ATXN7L1: variants seen among roughly 807,000 people sequenced by gnomAD.
The protein encoded by ATXN7L1 is ataxin-7-like protein 1.
Under a neutral mutation model 70.8 loss-of-function variants are expected in ATXN7L1, and 15 were observed. The observed-to-expected ratio is 0.21, with a 90% CI of 0.14 to 0.33. The LOEUF is 0.33. Among genes scored for constraint, ATXN7L1 ranks in the 10% least tolerant of loss-of-function variants. ATXN7L1 has a pLI of 1.00. For synonymous variants in ATXN7L1, 440 were observed against 445.1 expected (o/e 0.99, Z 0.14); for missense variants, 975 against 1,097.1 (o/e 0.89, Z 1.57).
chr7:105,745,523 C>A (rs1798487111), intron 3 of ATXN7L1, among the ~76,000 whole-genome samples: 1 of 152,212 alleles, frequency 6.6e-6, no homozygotes, highest in African/African-American at 2.4e-5. Context: ...TAATTTGAAA[C>A]TTCTGGGTGC....
At chr7:105,697,062 A>G (rs1791810970) in intron 3 of ATXN7L1, among the ~76,000 whole-genome samples, 1 of 152,232 alleles carries the variant, frequency 6.6e-6, no homozygotes, top group South Asian at 2.1e-4. Context: ...GTAATAGAAT[A>G]TCACAAGACA....
intron 3 of ATXN7L1, among the ~76,000 whole-genome samples, chr7:105,702,908 G>A (rs1314156430): frequency 1.3e-5 from 2 of 152,096 alleles, no homozygotes; most frequent in Non-Finnish European, 2.9e-5. Flanking sequence ...CAAAAGGTCA[G>A]GAGATCGAGA....
At chr7:105,757,578 A>AT (rs34846815) in intron 3 of ATXN7L1, among the ~76,000 whole-genome samples, 1,572 of 62,436 alleles carry the variant, frequency 0.025, 60 homozygotes, top group African/African-American at 0.069. Context: ...ACCTTTCTGT[A>AT]TTTTTTTTTT....
chr7:105,827,014 A>G (rs1810963960), intron 2 of ATXN7L1, among the ~76,000 whole-genome samples: 2 of 152,260 alleles, frequency 1.3e-5, no homozygotes, highest in South Asian at 4.1e-4. Context: ...ACAGGTGTCC[A>G]GGAAGCACAA....
chr7:105,789,300 G>C (rs1394917715), intron 2 of ATXN7L1, among the ~76,000 whole-genome samples: 2 of 152,210 alleles, frequency 1.3e-5, no homozygotes, highest in Admixed American at 1.3e-4. Flanking sequence ...GCCAGGCACT[G>C]TGCTAGGTGC....
At chr7:105,847,964 T>C (rs1308198305) in intron 2 of ATXN7L1, among the ~76,000 whole-genome samples, 1 of 152,210 alleles carries the variant, frequency 6.6e-6, no homozygotes, top group Non-Finnish European at 1.5e-5. Context: ...TAGAAAATGT[T>C]TGAGCATTAA....
At position 105,755,278 on chromosome 7, in the gene ATXN7L1, C is replaced by A. The variant is rs562702748; in HGVS notation, c.355+33326G>T. Among the ~76,000 whole-genome samples the A allele has an allele frequency of 2.6e-5, 4 of 152,296 alleles. No individual in the cohort carries two copies. The South Asian group carries it at 8.3e-4, about 32-fold the overall frequency. Reference sequence around the variant, plus strand: ...AGGGATGTTAGAGGACATCCTAAATCACACCACTAGGGTAGTCATTTCAGA... The same window carrying A: ...AGGGATGTTAGAGGACATCCTAAATAACACCACTAGGGTAGTCATTTCAGA... On this transcript the variant is annotated intron_variant, in intron 3 of 11. Transcript: ENST00000419735.
At chr7:105,819,532 A>G in intron 2 of ATXN7L1, 2 of 1,376,030 alleles carry the variant, frequency 1.5e-6, no homozygotes, top group South Asian at 2.3e-5. Context: ...GGTCGAGGCC[A>G]TCTCCTGGGC....
At chr7:105,845,725 T>A (rs1360640797) in intron 2 of ATXN7L1, among the ~76,000 whole-genome samples, 2 of 152,188 alleles carry the variant, frequency 1.3e-5, no homozygotes, top group Non-Finnish European at 2.9e-5. Context: ...GGAACAGAAC[T>A]GAGAGTCTAG....
chr7:105,841,413 T>C (rs1246682716), intron 2 of ATXN7L1, among the ~76,000 whole-genome samples: 1 of 152,254 alleles, frequency 6.6e-6, no homozygotes, highest in Non-Finnish European at 1.5e-5. Context: ...CAGCCAATCA[T>C]GGTCCAAAAA....
chr7:105,678,204 T>C (rs539254004), intron 3 of ATXN7L1, among the ~76,000 whole-genome samples: 6 of 151,598 alleles, frequency 4.0e-5, no homozygotes, highest in East Asian at 3.9e-4. Context: ...AGATCAACCA[T>C]CACTACCACA....
chr7:105,697,236 A>T (rs1178771230), intron 3 of ATXN7L1, among the ~76,000 whole-genome samples: 1 of 152,182 alleles, frequency 6.6e-6, no homozygotes, highest in Admixed American at 6.5e-5. Flanking sequence ...CCTCTTCCTA[A>T]TAAGCCTGGG....
chr7:105,635,144 T>C (rs1239118112), intron 7 of ATXN7L1, among the ~76,000 whole-genome samples: 1 of 152,208 alleles, frequency 6.6e-6, no homozygotes, highest in Non-Finnish European at 1.5e-5. Flanking sequence ...CAGAGGGGAC[T>C]GTGCCCAGAT....
rs1426809442 is a variant in ATXN7L1, at chr7:105,649,260, GC to G, written c.579-6140del. ...GATGAACTCTTTCAGAGAGCTCAGG[GC>G]TGCAGCCTGTTCCCCTGCTGTGTCT... On this transcript the variant is annotated intron_variant, in intron 4 of 11. Coordinates refer to ENST00000419735, the MANE Select transcript of ATXN7L1 (RefSeq NM_020725.2). 5 of 682,286 alleles carry G rather than the reference GC, an allele frequency of 7.3e-6. No homozygotes were observed. In the African/African-American group the frequency reaches 9.8e-5, roughly 13 times the overall value. 42.3% of individuals were successfully genotyped at this position (682,286 alleles called of 1,614,324 possible).
intron 3 of ATXN7L1, among the ~76,000 whole-genome samples, chr7:105,696,027 G>A (rs956121044): frequency 6.6e-6 from 1 of 152,204 alleles, no homozygotes; most frequent in Non-Finnish European, 1.5e-5. Context: ...CCTGTCAGGA[G>A]CTGATGGTTA....
At chr7:105,803,210 T>C (rs1807074978) in intron 2 of ATXN7L1, among the ~76,000 whole-genome samples, 1 of 152,250 alleles carries the variant, frequency 6.6e-6, no homozygotes, top group Non-Finnish European at 1.5e-5. Flanking sequence ...GAGTGGCCCC[T>C]ACATTGCCAT....
intron 3 of ATXN7L1, among the ~76,000 whole-genome samples, chr7:105,689,810 T>C (rs919182359): frequency 1.8e-4 from 28 of 151,898 alleles, no homozygotes; most frequent in Non-Finnish European, 3.7e-4. Context: ...CGAGCCCGAG[T>C]TTTAGCTTCT....
At position 105,614,825 on chromosome 7, in the gene ATXN7L1, G is replaced by C; in HGVS notation, c.1518-9C>G. The stretch of plus-strand genomic sequence containing the variant: ...CCGCAGGAGGGATCTTCCTAAACAT[G>C]AGAGAAGAGTGAAAGAGAATCAGTG... On this transcript the variant is annotated splice_polypyrimidine_tract_variant and intron_variant, in intron 9 of 11. Transcript: ENST00000419735. This position sits in a 1 kb window ranked among gnomAD's most constrained non-coding sequence, Gnocchi z 4.3. 6.5e-7 allele frequency: 1 copy of C among 1,543,924 alleles called. No homozygotes were observed. Among genetic ancestry groups the C allele is most frequent in the Non-Finnish European group, 8.8e-7 (1 of 1,142,286 alleles).
At chr7:105,843,396 GCATTAAGGATAAATGCCACATGACAGATC>G (rs1223737414) in intron 2 of ATXN7L1, among the ~76,000 whole-genome samples, 9 of 152,254 alleles carry the variant, frequency 5.9e-5, no homozygotes, top group Non-Finnish European at 1.2e-4. Context: ...AAAAGCCGGG[GCATTAAGGATAAATGCCACATGACAGATC>G]CATCTAGGAA....
Sources: allele counts gnomAD v4.1 joint callset (sites outside exome capture counted in the v4.1 genomes callset), GRCh38; gene constraint gnomAD v4.1.1; non-coding constraint Gnocchi (gnomAD v3.1); transcripts MANE v1.5; gene names NCBI Gene and HGNC (gene_info 2026-07-23, HGNC 2026-07-21).